VWA5B1: variants seen among roughly 807,000 people sequenced by gnomAD.
VWA5B1 encodes von Willebrand factor A domain-containing protein 5B1.
In VWA5B1, 115 loss-of-function variants were observed where a neutral mutation model predicts 118.2. The observed-to-expected ratio is 0.97, with a 90% CI of 0.84 to 1.14. The LOEUF is 1.14. Among genes scored for constraint, VWA5B1 ranks in the 50% most tolerant of loss-of-function variants. The pLI is 0.00. For missense variants in VWA5B1, 1,596 were observed against 1,603.8 expected, an observed-to-expected ratio of 1.00 and a Z score of 0.08; for synonymous variants, 682 against 658.4, an observed-to-expected ratio of 1.04 and a Z score of -0.55.
chr1:20,305,323 T>C lies in VWA5B1; in HGVS notation c.-26-5253T>C, dbSNP rs189553353. Among the ~76,000 whole-genome samples the C allele has an allele frequency of 3.3e-5, 5 of 152,078 alleles. No homozygotes were observed. In the East Asian group the frequency reaches 7.8e-4, roughly 24 times the overall value. On this transcript the variant is annotated intron_variant, in intron 1 of 21. Coordinates refer to ENST00000289815, the MANE Select transcript of VWA5B1 (RefSeq NM_001039500.3). Reference sequence around the variant, plus strand: ...AAGCAAAGGTTGCTGACATGCGGGATCAAGGGGTAAATGCCCAGGTTGTTG... The same window carrying C: ...AAGCAAAGGTTGCTGACATGCGGGACCAAGGGGTAAATGCCCAGGTTGTTG...
intron 12 of VWA5B1, among the ~76,000 whole-genome samples, chr1:20,334,345 C>T (rs756259046): frequency 6.6e-6 from 1 of 152,160 alleles, no homozygotes; most frequent in African/African-American, 2.4e-5. Context: ...CATCAACAGA[C>T]CCTCCCACTA....
intron 18 of VWA5B1, chr1:20,349,222 C>T (rs1013879506): frequency 2.2e-6 from 1 of 445,930 alleles, no homozygotes; most frequent in Non-Finnish European, 4.5e-6. Context: ...CTTCTTGGTC[C>T]CATTGGCCTC....
At chr1:20,350,375 C>A (rs2101019055) in intron 19 of VWA5B1, 145 bp downstream of exon 19, 2 of 932,538 alleles carry the variant, frequency 2.1e-6, no homozygotes, top group Non-Finnish European at 1.6e-6. Flanking sequence ...TAGGATTATC[C>A]CCAATTGAAA....
At chr1:20,343,860 C>G (rs1045851872) in intron 16 of VWA5B1, among the ~76,000 whole-genome samples, 7 of 98,706 alleles carry the variant, frequency 7.1e-5, no homozygotes, top group Non-Finnish European at 6.1e-5. Flanking sequence ...CCACTCGCCT[C>G]TCCGGCCTCC....
intron 1 of VWA5B1, 86 bp from the exon 2 acceptor site, chr1:20,310,483 TCTGATTG>T: frequency 2.5e-6 from 3 of 1,223,286 alleles, no homozygotes; most frequent in Non-Finnish European, 3.3e-6. Flanking sequence ...ACAATGATGC[TCTGATTG>T]CTTGAGGGTG....
At chr1:20,326,552 G>T (rs1467946038) in intron 8 of VWA5B1, among the ~76,000 whole-genome samples, 1 of 152,012 alleles carries the variant, frequency 6.6e-6, no homozygotes, top group African/African-American at 2.4e-5. Flanking sequence ...TGCAGCCTCC[G>T]CCTCCCGGGT....
intron 14 of VWA5B1, 138 bp downstream of exon 14, chr1:20,337,974 G>C (rs2089769824): frequency 1.8e-6 from 2 of 1,126,940 alleles, no homozygotes; most frequent in South Asian, 1.3e-5. Context: ...TCCTTCCCTA[G>C]GCCTTCATCT....
intron 4 of VWA5B1, among the ~76,000 whole-genome samples, chr1:20,316,273 C>G (rs890488906): frequency 6.6e-6 from 1 of 152,120 alleles, no homozygotes; most frequent in African/African-American, 2.4e-5. Flanking sequence ...AGTTCTTTCA[C>G]AAGTCCAAAG....
At chr1:20,337,932 A>G (rs780640523) in intron 14 of VWA5B1, 96 bp downstream of exon 14, 15 of 1,446,478 alleles carry the variant, frequency 1.0e-5, no homozygotes, top group Middle Eastern at 1.7e-4. Flanking sequence ...GGCCATCCAC[A>G]ACTTACACTG....
At position 20,354,324 on chromosome 1, in the gene VWA5B1, T is replaced by C; in HGVS notation, c.*61T>C. 6.8e-7 allele frequency: 1 copy of C among 1,479,506 alleles called. No individual in the cohort carries two copies. Among genetic ancestry groups the C allele is most frequent in the African/African-American group, 1.4e-5 (1 of 71,410 alleles). 91.6% of individuals were successfully genotyped at this position (1,479,506 alleles called of 1,614,324 possible). On this transcript the variant is annotated 3_prime_UTR_variant, in exon 22 of 22. Coordinates refer to ENST00000289815, the MANE Select transcript of VWA5B1 (RefSeq NM_001039500.3). ...GGGAGGAGAGGGATGGGCAGGGCCA[T>C]GTCGGCCTGGTTTCGGGGAGCTTTT...
chr1:20,350,218 G>A lies in VWA5B1; in HGVS notation c.2941G>A (p.Gly981Ser), dbSNP rs944527839. 31 of 1,550,966 alleles carry A rather than the reference G, an allele frequency of 2.0e-5. No individual in the cohort carries two copies. Among genetic ancestry groups the A allele is most frequent in the Admixed American group, 5.9e-5 (3 of 50,984 alleles). ...EARSPGREKH[G>S]ASEGPQRSLA... ...CAGGTCCCCCGGCCGCGAGAAGCAC[G>A]GTGCTTCTGAAGGTGAGTGGGCAGG... Residue 981 changes from glycine to serine, a missense_variant, in exon 19 of 22, where the codon GGT (glycine) becomes AGT (serine). Physicochemically the swap from Gly to Ser is moderately conservative, Grantham distance 56 (BLOSUM62 0). Transcript: ENST00000289815.
rs1054460443 is a variant in VWA5B1, at chr1:20,350,243, G to T, written c.2953+13G>T. 1 of 1,550,806 alleles carries T rather than the reference G, an allele frequency of 6.4e-7. No individual in the cohort carries two copies. On this transcript the variant is annotated intron_variant, in intron 19 of 21. Transcript: ENST00000289815. The stretch of plus-strand genomic sequence containing the variant: ...GGTGCTTCTGAAGGTGAGTGGGCAG[G>T]TGGCGCTGCCTCTTCATCAAGATGG...
intron 10 of VWA5B1, among the ~76,000 whole-genome samples, chr1:20,330,595 G>T (rs764756106): frequency 6.6e-6 from 1 of 152,212 alleles, no homozygotes; most frequent in South Asian, 2.1e-4. Context: ...CTCTGCACAC[G>T]ACTCACAAGA....
chr1:20,351,726 C>T (rs867301394), intron 20 of VWA5B1, among the ~76,000 whole-genome samples: 4 of 152,148 alleles, frequency 2.6e-5, no homozygotes, highest in African/African-American at 2.4e-5. Flanking sequence ...GTGGGAGGAT[C>T]GCTTGAGCCC....
Position 20,296,782 on chromosome 1 carries a change from C to A in VWA5B1, c.-27+5694C>A, listed in dbSNP as rs72647030. ...GAAATCTTTTCTTCATTCACCCTTT[C>A]CTATGACACGTTGGTCCCTGTTCTA... On this transcript the variant is annotated intron_variant, in intron 1 of 21. Transcript: ENST00000289815. Among the ~76,000 whole-genome samples, 1,412 of 152,338 alleles carry A rather than the reference C, an allele frequency of 9.3e-3. 15 individuals carry two copies. The highest frequency in any genetic ancestry group is 0.014 in the Non-Finnish European group (923 of 68,026).
intron 12 of VWA5B1, 64 bp downstream of exon 12, chr1:20,333,015 T>C: frequency 6.6e-7 from 1 of 1,515,806 alleles, no homozygotes; most frequent in Non-Finnish European, 8.9e-7. Context: ...AAATCAGCCT[T>C]AGCTGGAAAG....
At chr1:20,302,843 A>G (rs372630979) in intron 1 of VWA5B1, among the ~76,000 whole-genome samples, 2 of 152,074 alleles carry the variant, frequency 1.3e-5, no homozygotes, top group Non-Finnish European at 2.9e-5. Context: ...GTGCCAGAAG[A>G]GATAGCGGTA....
intron 16 of VWA5B1, among the ~76,000 whole-genome samples, chr1:20,345,154 T>C (rs937414564): frequency 6.6e-6 from 1 of 152,196 alleles, no homozygotes; most frequent in Non-Finnish European, 1.5e-5. Context: ...ACATAGTGGG[T>C]TGGGTGTTTT....
intron 1 of VWA5B1, 81 bp downstream of exon 1, chr1:20,291,169 T>TGTGTGTGC (rs2088290305): frequency 1.5e-5 from 2 of 136,502 alleles, no homozygotes; most frequent in African/African-American, 3.6e-5. Context: ...TGCATGAGTG[T>TGTGTGTGC]GTGTGTGTAT....
Sources: allele counts gnomAD v4.1 joint callset (sites outside exome capture counted in the v4.1 genomes callset), GRCh38; gene constraint gnomAD v4.1.1; transcripts MANE v1.5; gene names NCBI Gene and HGNC (gene_info 2026-07-23, HGNC 2026-07-21).